The following MAGI2 variants were observed in gnomAD, a reference collection of about 807,000 sequenced individuals.
MAGI2 encodes the protein membrane associated guanylate kinase, WW and PDZ domain containing 2, also known as membrane-associated guanylate kinase, WW and PDZ domain-containing protein 2.
A neutral mutation model predicts 133.3 loss-of-function variants in MAGI2; 35 were observed. The ratio of observed to expected loss-of-function variants is 0.26; its 90% CI spans 0.20 to 0.35. The LOEUF (loss-of-function observed/expected upper bound fraction) is 0.35, where lower values mean the gene tolerates loss of function less well. Among genes scored for constraint, MAGI2 ranks in the 10% least tolerant of loss-of-function variants. The pLI, the probability that MAGI2 is intolerant of heterozygous loss-of-function variation, is 1.00. For missense variants in MAGI2, 1,636 were observed against 1,863.4 expected, an observed-to-expected ratio of 0.88 and a Z score of 2.25; for synonymous variants, 729 against 710.6, an observed-to-expected ratio of 1.03 and a Z score of -0.41.
chr7:78,806,872 T>G, intron 2 of MAGI2, among the ~76,000 whole-genome samples: 1 of 10,366 alleles, frequency 9.6e-5, no homozygotes, highest in East Asian at 7.6e-3. Flanking sequence ...TGTCTCAAAA[T>G]AAAATAAAAT....
chr7:79,064,469 GGAA>G (rs929904362), intron 1 of MAGI2, among the ~76,000 whole-genome samples: 12 of 151,978 alleles, frequency 7.9e-5, no homozygotes, highest in African/African-American at 1.9e-4. Context: ...TTTTAGAAGA[GGAA>G]GAAGATTAGG....
intron 6 of MAGI2, among the ~76,000 whole-genome samples, chr7:78,397,621 C>T (rs1456509873): frequency 1.3e-5 from 2 of 152,074 alleles, no homozygotes; most frequent in Non-Finnish European, 2.9e-5. Context: ...TGTAATCCTC[C>T]AGGAACTCAC....
intron 2 of MAGI2, among the ~76,000 whole-genome samples, chr7:78,703,301 T>C (rs1229472905): frequency 6.6e-6 from 1 of 152,022 alleles, no homozygotes; most frequent in African/African-American, 2.4e-5. Flanking sequence ...CCATTTAAAG[T>C]GCATAACCCC....
At chr7:78,474,211 T>G (rs112496876) in intron 6 of MAGI2, among the ~76,000 whole-genome samples, 7,925 of 152,184 alleles carry the variant, frequency 0.052, 266 homozygotes, top group East Asian at 0.088. Flanking sequence ...TCTATTTATA[T>G]GCAAGTTGGG....
chr7:78,516,886 C>T (rs1796087912), intron 4 of MAGI2, among the ~76,000 whole-genome samples: 2 of 152,156 alleles, frequency 1.3e-5, no homozygotes, highest in Non-Finnish European at 2.9e-5. Context: ...AATGATAATT[C>T]TGAGGAATAT....
In MAGI2 at chr7:79,354,223, G is replaced by A. The variant is rs568381643; in HGVS notation, c.301+98797C>T. The A allele has an allele frequency of 1.6e-3, 251 of 152,358 alleles. 1 individual carries two copies. Among genetic ancestry groups the A allele is most frequent in the Non-Finnish European group, 2.5e-3 (170 of 68,132 alleles). 9.4% of individuals were successfully genotyped at this position (152,358 alleles called of 1,614,324 possible). A position where few individuals can be genotyped will look rare whatever the true frequency, so the allele number is the denominator to read the frequency against. ...GTGGGGCTTTGTGAAAGTAGCTATA[G>A]GTGTCAGCTCCCTGCCAACACCCAG... is the stretch of plus-strand genomic sequence containing the variant. On this transcript the variant is annotated intron_variant, in intron 1 of 21. Coordinates refer to ENST00000354212, the MANE Select transcript of MAGI2 (RefSeq NM_012301.4).
intron 15 of MAGI2, among the ~76,000 whole-genome samples, chr7:78,166,823 G>T (rs1320427893): frequency 1.3e-5 from 2 of 151,996 alleles, no homozygotes; most frequent in Non-Finnish European, 2.9e-5. Flanking sequence ...ATTCTCTAGG[G>T]GAGAGGATTG....
At chr7:78,577,383 T>C (rs1390491716) in intron 3 of MAGI2, among the ~76,000 whole-genome samples, 2 of 152,204 alleles carry the variant, frequency 1.3e-5, no homozygotes, top group African/African-American at 4.8e-5. Context: ...CAATATGTTA[T>C]TGTTATATAT....
At chr7:78,062,095 G>A (rs577535826) in intron 21 of MAGI2, among the ~76,000 whole-genome samples, 2 of 152,302 alleles carry the variant, frequency 1.3e-5, no homozygotes, top group African/African-American at 4.8e-5. Flanking sequence ...CAAGCACCCC[G>A]TTTTCCTTAA....
chr7:78,359,171 G>C (rs1792502083), intron 7 of MAGI2: 1 of 152,196 alleles, frequency 6.6e-6, no homozygotes, highest in South Asian at 2.1e-4. Context: ...AGAGCAACCA[G>C]TTACTTTGGT....
intron 16 of MAGI2, among the ~76,000 whole-genome samples, chr7:78,155,927 C>G (rs1165776076): frequency 2.0e-5 from 3 of 152,172 alleles, no homozygotes; most frequent in African/African-American, 7.2e-5. Context: ...TGAGCATCAC[C>G]TGTGCTTGGC....
At chr7:78,594,244 T>A (rs1804349744) in intron 3 of MAGI2, among the ~76,000 whole-genome samples, 1 of 152,338 alleles carries the variant, frequency 6.6e-6, no homozygotes, top group Middle Eastern at 3.4e-3. Flanking sequence ...AATTCTACAA[T>A]TTAATTCCTA....
chr7:78,297,696 G>A (rs958847964), intron 9 of MAGI2, among the ~76,000 whole-genome samples: 2 of 151,590 alleles, frequency 1.3e-5, no homozygotes, highest in African/African-American at 4.9e-5. Flanking sequence ...GGATGAAATT[G>A]GAAATCATCA....
At chr7:78,395,286 A>T (rs1796241035) in intron 6 of MAGI2, among the ~76,000 whole-genome samples, 1 of 152,216 alleles carries the variant, frequency 6.6e-6, no homozygotes, top group South Asian at 2.1e-4. Flanking sequence ...TAGACTGGAA[A>T]AATATCCTAA....
At chr7:78,861,017 C>T (rs1794113281) in intron 2 of MAGI2, among the ~76,000 whole-genome samples, 1 of 152,156 alleles carries the variant, frequency 6.6e-6, no homozygotes, top group South Asian at 2.1e-4. Context: ...GTGAGTGAGG[C>T]TCCCTGGGCA....
intron 1 of MAGI2, among the ~76,000 whole-genome samples, chr7:79,060,302 A>G (rs1305611998): frequency 6.6e-6 from 1 of 152,102 alleles, no homozygotes; most frequent in African/African-American, 2.4e-5. Context: ...ATGGAAAAGT[A>G]CATACAATAT....
intron 2 of MAGI2, among the ~76,000 whole-genome samples, chr7:78,698,731 G>C (rs1817762623): frequency 6.6e-6 from 1 of 152,150 alleles, no homozygotes. Context: ...AGAAGGGGAA[G>C]CCAACACGTC....
rs372412170 is a variant in MAGI2, at chr7:78,550,222, A to T, written c.539-28577T>A. Among the ~76,000 whole-genome samples the T allele has an allele frequency of 7.9e-5, 12 of 152,318 alleles. No homozygotes were observed. The East Asian group carries it at 9.7e-4, about 12-fold the overall frequency. On this transcript the variant is annotated intron_variant, in intron 3 of 21. Coordinates refer to ENST00000354212, the MANE Select transcript of MAGI2 (RefSeq NM_012301.4). ...TACAGTATTTTGTTATAGCAGCCTG[A>T]ATGGACTAAGGTAATATCCTTTAGA...
At chr7:78,529,613 A>G (rs934975480) in intron 3 of MAGI2, among the ~76,000 whole-genome samples, 1 of 146,032 alleles carries the variant, frequency 6.8e-6, no homozygotes, top group African/African-American at 2.5e-5. Flanking sequence ...TGAGCCACAT[A>G]TATGGAATTT....
Sources: allele counts gnomAD v4.1 joint callset (sites outside exome capture counted in the v4.1 genomes callset), GRCh38; gene constraint gnomAD v4.1.1; transcripts MANE v1.5; gene names NCBI Gene and HGNC (gene_info 2026-07-23, HGNC 2026-07-21).